The following TMTC2 variants were observed in gnomAD, a reference collection of about 807,000 sequenced individuals.
TMTC2 encodes protein O-mannosyl-transferase TMTC2.
In TMTC2, 43 loss-of-function variants were observed where a neutral mutation model predicts 82.4. The observed-to-expected ratio is 0.52, with a 90% confidence interval of 0.41 to 0.67. The LOEUF is 0.67. TMTC2 is among the 30% of genes least tolerant of loss of function. TMTC2 has a pLI of 0.00. For synonymous variants in TMTC2, 408 were observed against 381.9 expected (o/e 1.07, Z -0.80); for missense variants, 919 against 1,012.4 (o/e 0.91, Z 1.25).
chr12:82,739,590 C>T (rs1875296526), intron 1 of TMTC2, among the ~76,000 whole-genome samples: 1 of 151,770 alleles, frequency 6.6e-6, no homozygotes, highest in South Asian at 2.1e-4. Flanking sequence ...GATGAAATTC[C>T]ATCATGTTTA....
At position 82,934,009 on chromosome 12, in the gene TMTC2, T is replaced by G. The variant is rs556879720; in HGVS notation, c.1598+3464T>G. ...AAAATGATGGGATAATTTTAATTTT[T>G]TTTCTTTAGTAGCAGTAGCTTCAAT... On this transcript the variant is annotated intron_variant, in intron 4 of 11. Transcript: ENST00000321196. Among the ~76,000 whole-genome samples, 13 of 152,272 alleles carry G rather than the reference T, an allele frequency of 8.5e-5. No individual in the cohort carries two copies. The East Asian group carries it at 2.5e-3, about 29-fold the overall frequency.
At chr12:82,891,807 C>G (rs1205569433) in intron 2 of TMTC2, among the ~76,000 whole-genome samples, 1 of 152,122 alleles carries the variant, frequency 6.6e-6, no homozygotes, top group African/African-American at 2.4e-5. Context: ...AATCACAACA[C>G]TTTAGAAACT....
intron 1 of TMTC2, among the ~76,000 whole-genome samples, chr12:82,789,270 CTG>C (rs1400359236): frequency 7.9e-5 from 12 of 152,152 alleles, no homozygotes; most frequent in Non-Finnish European, 1.0e-4. Flanking sequence ...CCATCTAGAA[CTG>C]TGTCAGGGGA....
intron 1 of TMTC2, among the ~76,000 whole-genome samples, chr12:82,831,752 T>C (rs565657956): frequency 6.5e-4 from 99 of 152,102 alleles, no homozygotes; most frequent in Non-Finnish European, 1.3e-3. Flanking sequence ...TATGGGAAAG[T>C]AGATGTTCAA....
At chr12:82,700,982 G>T (rs1181255136) in intron 1 of TMTC2, among the ~76,000 whole-genome samples, 2 of 152,044 alleles carry the variant, frequency 1.3e-5, no homozygotes, top group African/African-American at 2.4e-5. Context: ...ATCAGATCTC[G>T]TGAGACTTTT....
At chr12:82,840,521 G>GA (rs1870274852) in intron 1 of TMTC2, among the ~76,000 whole-genome samples, 1 of 152,130 alleles carries the variant, frequency 6.6e-6, no homozygotes, top group Non-Finnish European at 1.5e-5. Flanking sequence ...CTTGTACATA[G>GA]AAAAAATATT....
intron 3 of TMTC2, among the ~76,000 whole-genome samples, chr12:82,915,668 G>A (rs1308177632): frequency 6.6e-6 from 1 of 152,162 alleles, no homozygotes; most frequent in Admixed American, 6.6e-5. Context: ...AAGTTGTTTG[G>A]AAATCGTAAT....
chr12:82,952,153 A>G (rs957447895), intron 4 of TMTC2, among the ~76,000 whole-genome samples: 1 of 152,042 alleles, frequency 6.6e-6, no homozygotes, highest in Non-Finnish European at 1.5e-5. Context: ...CTACTTAAAA[A>G]TTTCTGAGTT....
In TMTC2 at chr12:82,706,223, C is replaced by T. The variant is rs539135857; in HGVS notation, c.83+18554C>T. Among the ~76,000 whole-genome samples the T allele has an allele frequency of 3.2e-4, 48 of 150,380 alleles. No homozygotes were observed. In the South Asian group the frequency reaches 8.9e-3, roughly 28 times the overall value. ...ACTAGGGAGGCTGAGGCAGGAGAAT[C>T]GCTTGAACCTGGGAACCTGGGAGGC... On this transcript the variant is annotated intron_variant, in intron 1 of 11. Transcript: ENST00000321196.
chr12:82,746,121 A>G (rs1875678451), intron 1 of TMTC2, among the ~76,000 whole-genome samples: 1 of 152,214 alleles, frequency 6.6e-6, no homozygotes, highest in Admixed American at 6.5e-5. Flanking sequence ...TTGTCTTAGA[A>G]TTATTCAGTG....
chr12:82,770,535 C>T (rs1412015808), intron 1 of TMTC2, among the ~76,000 whole-genome samples: 2 of 152,020 alleles, frequency 1.3e-5, no homozygotes, highest in African/African-American at 4.8e-5. Context: ...TGACCTTACC[C>T]TGAGTCATCC....
At chr12:82,989,319 G>C (rs1286883449) in intron 8 of TMTC2, among the ~76,000 whole-genome samples, 1 of 151,992 alleles carries the variant, frequency 6.6e-6, no homozygotes, top group Non-Finnish European at 1.5e-5. Context: ...CAATAACTAA[G>C]AATTGAAGAT....
At chr12:83,130,357 C>A (rs1456140026) in intron 11 of TMTC2, among the ~76,000 whole-genome samples, 2 of 152,162 alleles carry the variant, frequency 1.3e-5, no homozygotes, top group Non-Finnish European at 2.9e-5. Flanking sequence ...GTGGTATTTT[C>A]AGTTTCCAAT....
At chr12:82,798,007 G>A (rs991325239) in intron 1 of TMTC2, among the ~76,000 whole-genome samples, 23 of 144,916 alleles carry the variant, frequency 1.6e-4, no homozygotes, top group African/African-American at 5.8e-4. Flanking sequence ...GCGCGATCTC[G>A]GCTCACTGCA....
chr12:82,707,725 T>G (rs1204935305), intron 1 of TMTC2, among the ~76,000 whole-genome samples: 2 of 152,166 alleles, frequency 1.3e-5, no homozygotes, highest in Non-Finnish European at 2.9e-5. Context: ...TGACACTATA[T>G]GGAATAGGTT....
chr12:83,130,711 G>A lies in TMTC2; in HGVS notation c.2332-1499G>A, dbSNP rs530692953. On this transcript the variant is annotated intron_variant, in intron 11 of 11. Transcript: ENST00000321196. Reference sequence around the variant, plus strand: ...TAGACTTCAAGCAAAATGAGATAAGGAAAATTGATCGTGATATTTGTAGAG... The same window carrying A: ...TAGACTTCAAGCAAAATGAGATAAGAAAAATTGATCGTGATATTTGTAGAG... 2.3e-3 allele frequency among the ~76,000 whole-genome samples: 354 copies of A among 152,224 alleles called. 1 individual carries two copies. The highest frequency in any genetic ancestry group is 8.2e-3 in the African/African-American group (340 of 41,538).
intron 7 of TMTC2, among the ~76,000 whole-genome samples, chr12:82,973,625 C>G (rs569479052): frequency 1.3e-5 from 2 of 152,230 alleles, no homozygotes; most frequent in African/African-American, 4.8e-5. Flanking sequence ...ACATTATGTA[C>G]TATGGTTACA....
At chr12:82,749,860 C>T (rs1875890585) in intron 1 of TMTC2, among the ~76,000 whole-genome samples, 1 of 151,060 alleles carries the variant, frequency 6.6e-6, no homozygotes, top group Non-Finnish European at 1.5e-5. Flanking sequence ...GCCTCTGCTT[C>T]CCAGGTAGCT....
intron 6 of TMTC2, 30 bp from the exon 7 acceptor site, chr12:82,966,889 T>C: frequency 6.7e-7 from 1 of 1,495,806 alleles, no homozygotes. Flanking sequence ...TTATTGATGA[T>C]TTATCTATTT....
Sources: gnomAD v4.1 joint callset for allele counts (sites outside exome capture counted in the v4.1 genomes callset) on GRCh38, gnomAD v4.1.1 for gene constraint, MANE v1.5 for transcripts, NCBI Gene and HGNC (gene_info 2026-07-23, HGNC 2026-07-21) for gene names.